The following DMD variants were observed in gnomAD, a reference collection of about 807,000 sequenced individuals.
The protein encoded by DMD is dystrophin.
Under a neutral mutation model 330.1 loss-of-function variants are expected in DMD, and 63 were observed. That is an observed-to-expected ratio of 0.19 (90% CI 0.16 to 0.24). The LOEUF is 0.24. Among genes scored for constraint, DMD ranks in the 10% least tolerant of loss-of-function variants. The probability of loss-of-function intolerance (pLI) is 1.00; values close to 1 mark genes in which losing one functional copy is unlikely to be tolerated. For missense variants in DMD, 3,344 were observed against 2,684.1 expected, an observed-to-expected ratio of 1.25 and a Z score of -5.43; for synonymous variants, 1,223 against 959.8, an observed-to-expected ratio of 1.27 and a Z score of -5.07.
intron 44 of DMD, among the ~76,000 whole-genome samples, chrX:32,099,355 C>G (rs1260597555): frequency 1.8e-5 from 2 of 110,855 alleles, no homozygotes; most frequent in African/African-American, 6.6e-5. Flanking sequence ...GGGCCTAGAA[C>G]TAGAAATACC....
At chrX:32,732,589 G>C (rs1425430807) in intron 7 of DMD, among the ~76,000 whole-genome samples, 1 of 111,520 alleles carries the variant, frequency 9.0e-6, no homozygotes, top group Non-Finnish European at 1.9e-5. Flanking sequence ...CAAGCCAGAA[G>C]AGAGTGGGGG....
chrX:32,394,163 T>G (rs774274644), intron 30 of DMD, among the ~76,000 whole-genome samples: 5 of 111,916 alleles, frequency 4.5e-5, no homozygotes, highest in Non-Finnish European at 7.5e-5. Context: ...AAAAACCTGT[T>G]TAAAGCAAGA....
At chrX:32,276,467 C>T (rs930242297) in intron 43 of DMD, among the ~76,000 whole-genome samples, 1 of 112,120 alleles carries the variant, frequency 8.9e-6, no homozygotes. Context: ...ACAAAAGTGA[C>T]TCCTTACTTT....
chrX:33,131,958 T>C (rs1355157159), intron 1 of DMD, among the ~76,000 whole-genome samples: 1 of 111,892 alleles, frequency 8.9e-6, no homozygotes, highest in Non-Finnish European at 1.9e-5. Context: ...AAGAACCTAA[T>C]GGTAACCTGA....
intron 45 of DMD, among the ~76,000 whole-genome samples, chrX:31,949,539 G>A (rs888555713): frequency 1.8e-5 from 2 of 110,852 alleles, no homozygotes; most frequent in Non-Finnish European, 3.8e-5. Flanking sequence ...GTTATTTTGT[G>A]GATATCAGAT....
chrX:32,679,723 T>C (rs2147298334), intron 9 of DMD, among the ~76,000 whole-genome samples: 1 of 108,917 alleles, frequency 9.2e-6, no homozygotes. Context: ...AATAATAAAA[T>C]AGAAGTTTTA....
chrX:32,344,015 C>T (rs1209121808), intron 39 of DMD, among the ~76,000 whole-genome samples: 3 of 111,814 alleles, frequency 2.7e-5, no homozygotes, highest in African/African-American at 9.7e-5. Flanking sequence ...AAAAAGAAAA[C>T]AGCAAGTGCA....
chrX:32,387,918 G>A (rs968694082), intron 32 of DMD, among the ~76,000 whole-genome samples: 1 of 111,310 alleles, frequency 9.0e-6, no homozygotes, highest in African/African-American at 3.3e-5. Context: ...CAATAGGCAA[G>A]TAAAATATTT....
intron 15 of DMD, among the ~76,000 whole-genome samples, chrX:32,571,095 A>G (rs959527776): frequency 9.0e-6 from 1 of 111,605 alleles, no homozygotes; most frequent in African/African-American, 3.3e-5. Flanking sequence ...TGACTTTTTC[A>G]GCACACAGAA....
intron 23 of DMD, among the ~76,000 whole-genome samples, chrX:32,466,683 G>A: frequency 9.0e-6 from 1 of 111,306 alleles, no homozygotes; most frequent in Middle Eastern, 4.7e-3. Flanking sequence ...GAGAGGGAGA[G>A]GGAGATAGAC....
At chrX:32,030,824 C>G (rs763997827) in intron 44 of DMD, among the ~76,000 whole-genome samples, 42 of 111,736 alleles carry the variant, frequency 3.8e-4, no homozygotes, top group African/African-American at 1.3e-3. Context: ...AATCTTACAA[C>G]AAGTCTTCAA....
chrX:32,538,502 G>A (rs1332655118), intron 17 of DMD, among the ~76,000 whole-genome samples: 1 of 110,447 alleles, frequency 9.1e-6, no homozygotes, highest in Non-Finnish European at 1.9e-5. Flanking sequence ...TCTCTTTTCA[G>A]ACTCAGCCTG....
intron 44 of DMD, among the ~76,000 whole-genome samples, chrX:32,122,652 C>T (rs367597883): frequency 6.3e-5 from 7 of 111,337 alleles, no homozygotes; most frequent in Non-Finnish European, 1.1e-4. Context: ...TTGAGCTCCC[C>T]GTCACAGCAC....
At chrX:31,486,762 T>G in intron 57 of DMD, among the ~76,000 whole-genome samples, 1 of 112,378 alleles carries the variant, frequency 8.9e-6, no homozygotes, top group East Asian at 2.8e-4. Context: ...TTTGCCATCC[T>G]ACGTCATCAT....
chrX:32,088,258 C>T (rs781261156), intron 44 of DMD, among the ~76,000 whole-genome samples: 2 of 111,393 alleles, frequency 1.8e-5, no homozygotes, highest in African/African-American at 6.5e-5. Flanking sequence ...TCTTAACCTT[C>T]ACATGAACCC....
chrX:31,553,159 C>A (rs1404271487), intron 55 of DMD, among the ~76,000 whole-genome samples: 3 of 111,742 alleles, frequency 2.7e-5, no homozygotes, highest in Admixed American at 9.5e-5. Context: ...GGATGGGGCC[C>A]AGCCAGCTAC....
intron 76 of DMD, among the ~76,000 whole-genome samples, chrX:31,145,786 C>T (rs985131998): frequency 1.8e-5 from 2 of 109,990 alleles, no homozygotes; most frequent in Non-Finnish European, 3.8e-5. Context: ...CCTCATCCTC[C>T]CGAGTAGCTG....
intron 48 of DMD, among the ~76,000 whole-genome samples, chrX:31,857,511 G>A (rs772147873): frequency 7.6e-4 from 82 of 107,253 alleles, no homozygotes; most frequent in African/African-American, 2.8e-3. Context: ...TCTTAAAATA[G>A]CCTAATTTAA....
chrX:31,906,508 A>G (rs1258240314), intron 47 of DMD, among the ~76,000 whole-genome samples: 3 of 112,456 alleles, frequency 2.7e-5, no homozygotes, highest in Admixed American at 9.5e-5. Flanking sequence ...CATCTGGAAG[A>G]TTTTGAAAGT....
Sources: gnomAD v4.1 joint callset for allele counts (sites outside exome capture counted in the v4.1 genomes callset) on GRCh38, gnomAD v4.1.1 for gene constraint, MANE v1.5 for transcripts, NCBI Gene and HGNC (gene_info 2026-07-23, HGNC 2026-07-21) for gene names.